Variants in RPS29 observed in about 807,000 individuals in gnomAD.
The protein encoded by RPS29 is ribosomal protein S29.
For synonymous variants in RPS29, 37 were observed against 26.9 expected (o/e 1.37, Z -1.16); for missense variants, 60 against 75.7 (o/e 0.79, Z 0.77).
chr14:49,585,528 A>C (rs1362098763), intron 2 of RPS29: 1 of 247,580 alleles, frequency 4.0e-6, no homozygotes, highest in African/African-American at 2.2e-5. Context: ...GGCTGCAGTG[A>C]GCCGTAACAA....
chr14:49,586,224 G>A, intron 1 of RPS29, 61 bp downstream of exon 1: 3 of 1,564,262 alleles, frequency 1.9e-6, no homozygotes, highest in Non-Finnish European at 2.6e-6. Flanking sequence ...CTCTACTTGA[G>A]ATTTTAAGCA....
intron 1 of RPS29, chr14:49,598,023 A>G: frequency 5.2e-6 from 1 of 190,828 alleles, no homozygotes; most frequent in Non-Finnish European, 1.1e-5. Flanking sequence ...ACAACACTTC[A>G]GGTTCAACAT....
chr14:49,590,654 T>C (rs1475313857), upstream of RPS29, among the ~76,000 whole-genome samples: 2 of 152,108 alleles, frequency 1.3e-5, no homozygotes, highest in African/African-American at 4.8e-5. Context: ...TTCAGTATCA[T>C]GCCCCGGTTT....
intron 2 of RPS29, among the ~76,000 whole-genome samples, chr14:49,584,718 C>G (rs980650316): frequency 6.6e-6 from 1 of 151,356 alleles, no homozygotes; most frequent in African/African-American, 2.4e-5. Context: ...GCTGAGATCA[C>G]GCCACTGCAC....
At chr14:49,577,630 T>C (rs764114117) in exon 3 of RPS29, 58 of 711,950 alleles carry the variant, frequency 8.1e-5, no homozygotes, top group Non-Finnish European at 1.2e-4. Flanking sequence ...ATAACCAATG[T>C]TGGGCATAGA....
exon 3 of RPS29, chr14:49,573,966 TTTTA>T (rs1881117184): frequency 6.6e-6 from 1 of 152,228 alleles, no homozygotes; most frequent in South Asian, 2.1e-4. Context: ...TTTCATTTCT[TTTTA>T]TTTTAGTCTC....
exon 3 of RPS29, chr14:49,576,592 C>T (rs1344727971): frequency 6.6e-6 from 1 of 152,166 alleles, no homozygotes; most frequent in Non-Finnish European, 1.5e-5. Context: ...TGCTTTAAAA[C>T]TGTTGAAGGC....
At chr14:49,572,532 C>T (rs868478673) in exon 3 of RPS29, 31 of 151,870 alleles carry the variant, frequency 2.0e-4, no homozygotes, top group African/African-American at 5.1e-4. Context: ...TAATTTTTTC[C>T]GAAAACTTAA....
exon 3 of RPS29, chr14:49,571,506 T>C (rs149198530): frequency 6.6e-6 from 1 of 152,182 alleles, no homozygotes; most frequent in Non-Finnish European, 1.5e-5. Flanking sequence ...GAAGATGAGA[T>C]GACCCAAGAT....
chr14:49,586,445 G>A (rs1881561766), upstream of RPS29: 1 of 1,042,710 alleles, frequency 9.6e-7, no homozygotes, highest in African/African-American at 1.6e-5. Context: ...AGTGCTCAAA[G>A]GAAACGCGTG....
At chr14:49,598,657 T>A in exon 1 of RPS29, 1 of 700,734 alleles carries the variant, frequency 1.4e-6, no homozygotes, top group Non-Finnish European at 2.6e-6. Flanking sequence ...GCGTAAAGCG[T>A]CAACAGCTGA....
At chr14:49,597,844 T>G (rs2139525515) in intron 1 of RPS29, 1 of 152,024 alleles carries the variant, frequency 6.6e-6, no homozygotes, top group Middle Eastern at 3.4e-3. Flanking sequence ...AGACTGGGTT[T>G]TGCCATGTTG....
downstream of RPS29, among the ~76,000 whole-genome samples, chr14:49,583,165 A>C (rs1881392986): frequency 6.6e-6 from 1 of 152,204 alleles, no homozygotes; most frequent in African/African-American, 2.4e-5. Context: ...ATTGGCATTT[A>C]CCAGTTTACT....
chr14:49,579,970 C>T (rs1292962161), downstream of RPS29, among the ~76,000 whole-genome samples: 4 of 152,054 alleles, frequency 2.6e-5, no homozygotes, highest in African/African-American at 9.7e-5. Flanking sequence ...CTGAAAAGTA[C>T]TCTAAGACTG....
intron 1 of RPS29, 31 bp downstream of exon 1, chr14:49,586,254 C>T (rs756713204): frequency 2.5e-6 from 4 of 1,609,156 alleles, no homozygotes; most frequent in Non-Finnish European, 3.4e-6. Flanking sequence ...TCCACGGCAA[C>T]GCTTCCCCAA....
intron 1 of RPS29, chr14:49,592,175 T>C (rs945751605): frequency 6.6e-6 from 1 of 152,058 alleles, no homozygotes; most frequent in Non-Finnish European, 1.5e-5. Flanking sequence ...TTCTTACTTA[T>C]TTTTTAAATT....
At chr14:49,579,811 A>G (rs1439479977), downstream of RPS29, among the ~76,000 whole-genome samples, 2 of 152,156 alleles carry the variant, frequency 1.3e-5, no homozygotes, top group African/African-American at 4.8e-5. Flanking sequence ...TAACCATACA[A>G]TAAGTGTGTT....
upstream of RPS29, chr14:49,598,697 A>T (rs1051730630): frequency 1.4e-6 from 1 of 698,708 alleles, no homozygotes; most frequent in Non-Finnish European, 2.6e-6. Context: ...GAACAGAAAC[A>T]ACCACCGCTG....
exon 3 of RPS29, chr14:49,572,032 C>A (rs891808481): frequency 6.6e-6 from 1 of 152,260 alleles, no homozygotes. Flanking sequence ...CTCACTGCAA[C>A]CTCTGCCTCC....
Sources: allele counts gnomAD v4.1 joint callset (sites outside exome capture counted in the v4.1 genomes callset), GRCh38; gene constraint gnomAD v4.1.1; transcripts MANE v1.5; gene names NCBI Gene and HGNC (gene_info 2026-07-23, HGNC 2026-07-21).